The following ARMC9 variants were observed in gnomAD, a reference collection of about 807,000 sequenced individuals.
ARMC9 encodes armadillo repeat containing 9, also known as lisH domain-containing protein ARMC9.
A neutral mutation model predicts 107.0 loss-of-function variants in ARMC9; 94 were observed. The observed-to-expected ratio is 0.88, with a 90% CI of 0.74 to 1.04. The LOEUF is 1.04. Ranked by LOEUF, ARMC9 falls within the 50% of genes least tolerant of loss-of-function variation. The pLI is 0.00. For synonymous variants in ARMC9, 380 were observed against 396.9 expected, an observed-to-expected ratio of 0.96 and a Z score of 0.51; for missense variants, 942 against 1,030.1, an observed-to-expected ratio of 0.91 and a Z score of 1.17.
chr2:231,206,634 A>T (rs940621580), intron 2 of ARMC9, among the ~76,000 whole-genome samples: 6 of 152,226 alleles, frequency 3.9e-5, no homozygotes, highest in African/African-American at 1.4e-4. Context: ...ACAGAATGGG[A>T]TGATACATTG....
At chr2:231,329,499 G>A (rs1470720642) in intron 19 of ARMC9, among the ~76,000 whole-genome samples, 2 of 152,010 alleles carry the variant, frequency 1.3e-5, no homozygotes, top group African/African-American at 2.4e-5. Flanking sequence ...AGTAGAGATG[G>A]GTTTTCACCA....
chr2:231,342,751 T>C (rs919497285), intron 20 of ARMC9, among the ~76,000 whole-genome samples: 2 of 152,138 alleles, frequency 1.3e-5, no homozygotes, highest in Non-Finnish European at 2.9e-5. Flanking sequence ...TAGATTTCTT[T>C]AGAGACAGAA....
intron 3 of ARMC9, among the ~76,000 whole-genome samples, chr2:231,211,671 G>C (rs1012611460): frequency 6.6e-6 from 1 of 152,098 alleles, no homozygotes; most frequent in Non-Finnish European, 1.5e-5. Flanking sequence ...TTGAGGAATT[G>C]CCAAGCTGTT....
intron 21 of ARMC9, 177 bp downstream of exon 21, chr2:231,345,267 G>A (rs2044755059): frequency 8.1e-7 from 1 of 1,231,762 alleles, no homozygotes; most frequent in Non-Finnish European, 1.1e-6. Context: ...CCTTCCCCCA[G>A]GATTTTTTTA....
intron 19 of ARMC9, among the ~76,000 whole-genome samples, chr2:231,308,695 A>G (rs1559440212): frequency 2.0e-5 from 3 of 152,358 alleles, no homozygotes. Context: ...AGAACCAGAC[A>G]GTTCCTGACC....
In ARMC9 at chr2:231,297,871, A is replaced by T. The variant is rs1408709464; in HGVS notation, c.1773+1618A>T. ...ATTGTGTCCTAAAGTTTGTCTCGAGATCTGTTTTCTTCCCTTCTTGTATCA... is the reference window on the plus strand; with the variant it reads ...ATTGTGTCCTAAAGTTTGTCTCGAGTTCTGTTTTCTTCCCTTCTTGTATCA... On this transcript the variant is annotated intron_variant, in intron 19 of 24. Coordinates refer to ENST00000611582, the MANE Select transcript of ARMC9 (RefSeq NM_001352754.2). The surrounding 1 kb of genome is among the most constrained non-coding windows in gnomAD (Gnocchi z 4.2). 6.6e-6 allele frequency among the ~76,000 whole-genome samples: 1 copy of T among 151,826 alleles called. No individual in the cohort carries two copies. Among genetic ancestry groups the T allele is most frequent in the Non-Finnish European group, 1.5e-5 (1 of 67,984 alleles).
intron 6 of ARMC9, among the ~76,000 whole-genome samples, chr2:231,224,840 GCAAA>G (rs1269454640): frequency 3.3e-5 from 5 of 152,296 alleles, no homozygotes; most frequent in Admixed American, 6.5e-5. Context: ...AGTCTGTGAG[GCAAA>G]CAGAGGAGGG....
intron 20 of ARMC9, among the ~76,000 whole-genome samples, chr2:231,342,254 G>A (rs1189980707): frequency 6.6e-6 from 1 of 152,248 alleles, no homozygotes; most frequent in Non-Finnish European, 1.5e-5. Context: ...AACAGACCAG[G>A]CAGTGCTGGC....
intron 16 of ARMC9, among the ~76,000 whole-genome samples, chr2:231,281,807 A>G (rs931087102): frequency 4.6e-5 from 7 of 152,226 alleles, no homozygotes; most frequent in African/African-American, 1.4e-4. Context: ...TAATTAAGCA[A>G]TGAAATGCGC....
Position 231,198,676 on chromosome 2 carries a change from G to A in ARMC9, c.-64G>A, listed in dbSNP as rs904596210. On this transcript the variant is annotated 5_prime_UTR_variant, in exon 1 of 25. Transcript: ENST00000611582. The stretch of plus-strand genomic sequence containing the variant: ...GGTGGCGGCCGGGCTGGGATAGCGC[G>A]AGTGTCCGCGGCCGAGCAGCAGGTA... The A allele has an allele frequency of 1.7e-4, 26 of 152,298 alleles. No individual in the cohort carries two copies. The highest frequency in any genetic ancestry group is 6.3e-4 in the African/African-American group (26 of 41,572). 9.4% of individuals were successfully genotyped at this position (152,298 alleles called of 1,614,324 possible). A position where few individuals can be genotyped will look rare whatever the true frequency, so the allele number is the denominator to read the frequency against.
intron 23 of ARMC9, among the ~76,000 whole-genome samples, chr2:231,363,883 CAAAA>C (rs1176736980): frequency 4.9e-4 from 8 of 16,280 alleles, no homozygotes; most frequent in African/African-American, 1.4e-3. Context: ...GACTCCGTCT[CAAAA>C]AAAAAAAAAA....
At chr2:231,343,560 C>T (rs2044644672) in intron 20 of ARMC9, among the ~76,000 whole-genome samples, 1 of 152,084 alleles carries the variant, frequency 6.6e-6, no homozygotes, top group South Asian at 2.1e-4. Context: ...AACCAGGAAG[C>T]TGACATTGGT....
chr2:231,324,936 A>AT lies in ARMC9; in HGVS notation c.1774-6857_1774-6856insT, dbSNP rs566167967. Among the ~76,000 whole-genome samples, 64 of 152,208 alleles carry AT rather than the reference A, an allele frequency of 4.2e-4. 1 individual carries two copies. The South Asian group carries it at 0.012, about 28-fold the overall frequency. ...AAAAAAAATTTTGTTTAATTAAAAC[A>AT]AAACGAGCTGGGTGCAGTGGCTCAT... On this transcript the variant is annotated intron_variant, in intron 19 of 24. Coordinates refer to ENST00000611582, the MANE Select transcript of ARMC9 (RefSeq NM_001352754.2).
At chr2:231,285,259 T>G (rs1242278431) in intron 17 of ARMC9, among the ~76,000 whole-genome samples, 1 of 152,104 alleles carries the variant, frequency 6.6e-6, no homozygotes, top group Non-Finnish European at 1.5e-5. Flanking sequence ...TAGCCAGATC[T>G]GTTAATATTT....
At chr2:231,253,074 C>T (rs747573630) in intron 9 of ARMC9, among the ~76,000 whole-genome samples, 30 of 151,910 alleles carry the variant, frequency 2.0e-4, no homozygotes, top group Non-Finnish European at 4.0e-4. Context: ...TGGTCTGAGC[C>T]ACTTTTTTAA....
At position 231,216,719 on chromosome 2, in the gene ARMC9, G is replaced by C; in HGVS notation, c.430G>C (p.Glu144Gln). Reference protein sequence around the residue: ...TKGAALSQTTEFLPFYALPFV... With the variant: ...TKGAALSQTTQFLPFYALPFV... ...AGGGGCAGCCTTGAGCCAGACCACA[G>C]AGTTTCTTCCTTTCTATGCCCTTCC... The change falls in exon 5 of 25, where the codon GAG becomes CAG. Residue 144 changes from glutamate (E) to glutamine (Q), a missense_variant. By Grantham distance (29) the Glu-to-Gln change is conservative (BLOSUM62 2). Transcript: ENST00000611582. The C allele has an allele frequency of 6.2e-7, 1 of 1,614,016 alleles. No homozygotes were observed.
At chr2:231,208,848 C>T (rs756227073) in intron 3 of ARMC9, among the ~76,000 whole-genome samples, 1 of 152,082 alleles carries the variant, frequency 6.6e-6, no homozygotes, top group Non-Finnish European at 1.5e-5. Context: ...GCAGGAGGAC[C>T]GCATAAACCC....
intron 23 of ARMC9, among the ~76,000 whole-genome samples, chr2:231,363,879 GTC>G (rs2045695573): frequency 1.2e-5 from 1 of 85,136 alleles, no homozygotes; most frequent in Non-Finnish European, 2.0e-5. Context: ...GTAAGACTCC[GTC>G]TCAAAAAAAA....
At chr2:231,201,498 G>A (rs954809457) in intron 1 of ARMC9, among the ~76,000 whole-genome samples, 3 of 152,056 alleles carry the variant, frequency 2.0e-5, no homozygotes, top group Non-Finnish European at 2.9e-5. Context: ...CTCCTCATCT[G>A]CCCACTCCCG....
Sources: gnomAD v4.1 joint callset for allele counts (sites outside exome capture counted in the v4.1 genomes callset) on GRCh38, gnomAD v4.1.1 for gene constraint, Gnocchi (gnomAD v3.1) non-coding constraint, MANE v1.5 for transcripts, NCBI Gene and HGNC (gene_info 2026-07-23, HGNC 2026-07-21) for gene names.